The following EXOC4 variants were observed in gnomAD, a reference collection of about 807,000 sequenced individuals.
EXOC4 encodes the protein SEC8-like 1.
A neutral mutation model predicts 107.2 loss-of-function variants in EXOC4; 71 were observed. The observed-to-expected ratio is 0.66, with a 90% CI of 0.55 to 0.81. The LOEUF (loss-of-function observed/expected upper bound fraction) is 0.81. EXOC4 is among the 30% of genes least tolerant of loss of function. The pLI, the probability that EXOC4 is intolerant of heterozygous loss-of-function variation, is 0.00. For synonymous variants in EXOC4, 456 were observed against 441.2 expected (o/e 1.03, Z -0.42); for missense variants, 1,108 against 1,189.6 (o/e 0.93, Z 1.01).
intron 9 of EXOC4, among the ~76,000 whole-genome samples, chr7:133,567,906 T>C (rs187773305): frequency 8.5e-5 from 13 of 152,308 alleles, no homozygotes; most frequent in Admixed American, 8.5e-4. Flanking sequence ...CTGTCAACCC[T>C]CTTACAATGG....
chr7:133,502,482 T>G (rs1049031162), intron 9 of EXOC4, among the ~76,000 whole-genome samples: 1 of 152,166 alleles, frequency 6.6e-6, no homozygotes, highest in Non-Finnish European at 1.5e-5. Flanking sequence ...GGCCAAAATT[T>G]TTCTTGTTAG....
chr7:133,485,580 A>T (rs78360194), intron 9 of EXOC4, among the ~76,000 whole-genome samples: 2,253 of 152,200 alleles, frequency 0.015, 68 homozygotes, highest in African/African-American at 0.051. Context: ...CACAATATTT[A>T]AAAAAATTTT....
chr7:134,001,518 TAAAG>T (rs1794531098), intron 15 of EXOC4, among the ~76,000 whole-genome samples: 1 of 152,040 alleles, frequency 6.6e-6, no homozygotes, highest in South Asian at 2.1e-4. Context: ...GATAATACCT[TAAAG>T]AAAGGTTATA....
rs778511364 is a variant in EXOC4, at chr7:133,710,659, C to CAA, written c.1514+80519_1514+80520insAA. 6.5e-4 allele frequency among the ~76,000 whole-genome samples: 21 copies of CAA among 32,270 alleles called. 5 individuals are homozygous for CAA. Among genetic ancestry groups the CAA allele is most frequent in the Admixed American group, 1.4e-3 (4 of 2,846 alleles). 21.2% of individuals were successfully genotyped at this position (32,270 alleles called of 152,430 possible). A position where few individuals can be genotyped will look rare whatever the true frequency, so the allele number is the denominator to read the frequency against. On this transcript the variant is annotated intron_variant, in intron 10 of 17. Coordinates refer to ENST00000253861, the MANE Select transcript of EXOC4 (RefSeq NM_021807.4). ...TGGGCGACAGAGTGAGACTCTGTCT[C>CAA]AGAAAAAAAAAAAAAAAAAGTTGGT...
chr7:133,641,064 A>G (rs192781309), intron 10 of EXOC4, among the ~76,000 whole-genome samples: 4 of 152,280 alleles, frequency 2.6e-5, no homozygotes, highest in Admixed American at 2.6e-4. Flanking sequence ...GAGACAGTAA[A>G]TTCAGTCAAG....
intron 5 of EXOC4, among the ~76,000 whole-genome samples, chr7:133,343,255 G>C (rs1199891108): frequency 1.3e-5 from 2 of 152,074 alleles, no homozygotes; most frequent in African/African-American, 2.4e-5. Flanking sequence ...TATGGTTGGG[G>C]CTTCCTGAGA....
chr7:133,354,517 G>C (rs1399503350), intron 5 of EXOC4, among the ~76,000 whole-genome samples: 2 of 152,034 alleles, frequency 1.3e-5, no homozygotes, highest in Non-Finnish European at 2.9e-5. Flanking sequence ...GGGAGCAAGA[G>C]AAAAATAAAG....
At chr7:133,996,337 A>C (rs959391183) in intron 14 of EXOC4, among the ~76,000 whole-genome samples, 4 of 152,196 alleles carry the variant, frequency 2.6e-5, no homozygotes, top group African/African-American at 9.7e-5. Context: ...CCAGGACTTA[A>C]AGCCAAACTT....
intron 10 of EXOC4, among the ~76,000 whole-genome samples, chr7:133,739,936 G>A (rs903225768): frequency 1.3e-5 from 2 of 152,068 alleles, no homozygotes; most frequent in African/African-American, 4.8e-5. Context: ...GTTACTGTGG[G>A]GCTGAGAGTC....
intron 7 of EXOC4, among the ~76,000 whole-genome samples, chr7:133,411,370 G>C (rs1797352108): frequency 1.3e-5 from 2 of 152,070 alleles, no homozygotes; most frequent in Admixed American, 1.3e-4. Flanking sequence ...ATATTCTGTA[G>C]ATCATAGATC....
At chr7:134,044,193 A>G (rs148760847) in intron 17 of EXOC4, among the ~76,000 whole-genome samples, 224 of 152,190 alleles carry the variant, frequency 1.5e-3, no homozygotes, top group African/African-American at 4.8e-3. Flanking sequence ...TGTTTTCTCC[A>G]CCAATATCCA....
At chr7:133,991,833 C>G (rs1287001895) in intron 14 of EXOC4, among the ~76,000 whole-genome samples, 3 of 152,126 alleles carry the variant, frequency 2.0e-5, no homozygotes, top group Non-Finnish European at 4.4e-5. Flanking sequence ...TATGCCAATA[C>G]CATGCTGTTT....
chr7:133,476,774 A>G (rs754671152), intron 8 of EXOC4, among the ~76,000 whole-genome samples: 1 of 152,232 alleles, frequency 6.6e-6, no homozygotes, highest in Non-Finnish European at 1.5e-5. Context: ...GAACTATAGG[A>G]AAGTTACTAT....
intron 9 of EXOC4, among the ~76,000 whole-genome samples, chr7:133,511,090 G>T (rs1799760337): frequency 6.6e-6 from 1 of 151,950 alleles, no homozygotes; most frequent in Non-Finnish European, 1.5e-5. Flanking sequence ...TAGGCTCCAG[G>T]CGTCCTGGCT....
At position 133,997,602 on chromosome 7, in the gene EXOC4, C is replaced by A; in HGVS notation, c.2317C>A (p.Arg773Ser). The A allele has an allele frequency of 6.2e-7, 1 of 1,613,482 alleles. No individual in the cohort carries two copies. Reference sequence around the variant, plus strand: ...CAAATCGTTCCAGGATATGGCTGACCGCTGCTTGCTTGTCTTACATCTGGA... The same window carrying A: ...CAAATCGTTCCAGGATATGGCTGACAGCTGCTTGCTTGTCTTACATCTGGA... ...LAKSFQDMAD[R>S]CLLVLHLEVR... The change falls in exon 15 of 18, where the codon CGC becomes AGC. Residue 773 changes from arginine (R) to serine (S), a missense_variant. Arg to Ser is a moderately radical substitution (Grantham distance 110). Coordinates refer to ENST00000253861, the MANE Select transcript of EXOC4 (RefSeq NM_021807.4).
rs1563029833 is a variant in EXOC4, at chr7:133,857,173, TA to T, written c.1735-38425del. 7.0e-3 allele frequency among the ~76,000 whole-genome samples: 124 copies of T among 17,670 alleles called. 5 individuals carry two copies. Among genetic ancestry groups the T allele is most frequent in the Non-Finnish European group, 0.01 (109 of 10,782 alleles). The allele number at this position is 17,670 out of a possible 152,430, so 11.6% of individuals were successfully genotyped here. ...GTATATATATATATATATATATATA[TA>T]TATATATATATATATATATATATAT... On this transcript the variant is annotated intron_variant, in intron 11 of 17. Transcript: ENST00000253861.
chr7:133,420,002 G>GGTACAT (rs1797566878), intron 7 of EXOC4, among the ~76,000 whole-genome samples: 3 of 148,586 alleles, frequency 2.0e-5, no homozygotes, highest in African/African-American at 7.4e-5. Flanking sequence ...TAAGTTTTAG[G>GGTACAT]GTACATGTGC....
chr7:134,090,607 G>T, the EXOC4 span, among the ~76,000 whole-genome samples: 1 of 152,146 alleles, frequency 6.6e-6, no homozygotes, highest in African/African-American at 2.4e-5. Flanking sequence ...GGGTGGGGAA[G>T]GCGAAGAGCT....
intron 10 of EXOC4, among the ~76,000 whole-genome samples, chr7:133,644,547 C>T (rs536205010): frequency 1.3e-5 from 2 of 152,156 alleles, no homozygotes; most frequent in African/African-American, 4.8e-5. Context: ...TTTTTTGGTC[C>T]TCATACCAAC....
Sources: gnomAD v4.1 joint callset for allele counts (sites outside exome capture counted in the v4.1 genomes callset) on GRCh38, gnomAD v4.1.1 for gene constraint, MANE v1.5 for transcripts, NCBI Gene and HGNC (gene_info 2026-07-23, HGNC 2026-07-21) for gene names.